The following ARMC9 variants were observed in gnomAD, a reference collection of about 807,000 sequenced individuals.
The protein encoded by ARMC9 is armadillo repeat containing 9.
In ARMC9, 94 loss-of-function variants were observed where a neutral mutation model predicts 107.0. The ratio of observed to expected loss-of-function variants is 0.88; its 90% CI spans 0.74 to 1.04. The LOEUF (loss-of-function observed/expected upper bound fraction) is 1.04, where lower values mean the gene tolerates loss of function less well. ARMC9 is among the 50% of genes least tolerant of loss of function. The probability of loss-of-function intolerance (pLI) is 0.00; values close to 1 mark genes in which losing one functional copy is unlikely to be tolerated. For synonymous variants in ARMC9, 380 were observed against 396.9 expected, an observed-to-expected ratio of 0.96 and a Z score of 0.51; for missense variants, 942 against 1,030.1, an observed-to-expected ratio of 0.91 and a Z score of 1.17.
chr2:231,249,781 T>C (rs890554007), intron 9 of ARMC9, among the ~76,000 whole-genome samples: 2 of 151,858 alleles, frequency 1.3e-5, no homozygotes, highest in African/African-American at 4.8e-5. Context: ...GACCCAGACA[T>C]CTTCAGATGG....
intron 2 of ARMC9, among the ~76,000 whole-genome samples, chr2:231,206,819 G>A (rs1235848170): frequency 6.6e-6 from 1 of 152,096 alleles, no homozygotes; most frequent in Admixed American, 6.6e-5. Context: ...TGACAAGTAG[G>A]GCCCAGGCCT....
chr2:231,349,656 C>T (rs184146812), intron 21 of ARMC9, among the ~76,000 whole-genome samples: 82 of 152,168 alleles, frequency 5.4e-4, no homozygotes, highest in Middle Eastern at 6.8e-3. Context: ...GTAGCGAGTG[C>T]CTGTAATCCA....
chr2:231,279,511 C>CTTTTTTTTTTTTTTTTTT (rs57779512), intron 16 of ARMC9, among the ~76,000 whole-genome samples: 3 of 124,808 alleles, frequency 2.4e-5, no homozygotes, highest in East Asian at 2.4e-4. Context: ...TTTCTTTTTT[C>CTTTTTTTTTTTTTTTTTT]TTTTTTTTTT....
chr2:231,279,064 C>T (rs1190419508), intron 16 of ARMC9, among the ~76,000 whole-genome samples: 2 of 152,160 alleles, frequency 1.3e-5, no homozygotes, highest in South Asian at 2.1e-4. Flanking sequence ...CATGGCTGCA[C>T]CTGCCCCATG....
intron 23 of ARMC9, among the ~76,000 whole-genome samples, chr2:231,364,898 G>A (rs7574152): frequency 0.15 from 23,032 of 152,214 alleles, 4,078 homozygotes; most frequent in African/African-American, 0.43. Context: ...TGACCACCTT[G>A]GGGGCTGCTT....
intron 21 of ARMC9, among the ~76,000 whole-genome samples, chr2:231,354,571 G>A (rs1001520177): frequency 1.3e-5 from 2 of 151,944 alleles, no homozygotes; most frequent in Non-Finnish European, 2.9e-5. Context: ...TAGTAGAGAC[G>A]GGGTTTCACC....
rs1349429444 is a variant in ARMC9, at chr2:231,272,997, T to G, written c.1253T>G (p.Leu418Arg). ...LAQNTKVLQM[L>R]EGRLKEEDKD... ...CAGAACACAAAGGTGCTGCAGATGC[T>G]GGAGGGAAGGCTGAAGGAGGAGGAC... is the stretch of plus-strand genomic sequence containing the variant. The change falls in exon 14 of 25, where the codon CTG becomes CGG. Residue 418 changes from leucine (L) to arginine (R), a missense_variant. Leu to Arg is a moderately radical substitution (Grantham distance 102). Coordinates refer to ENST00000611582, the MANE Select transcript of ARMC9 (RefSeq NM_001352754.2). The G allele has an allele frequency of 6.2e-7, 1 of 1,613,872 alleles. No homozygotes were observed. Among genetic ancestry groups the G allele is most frequent in the Non-Finnish European group, 8.5e-7 (1 of 1,179,840 alleles).
rs2045506922 is a variant in ARMC9 at position 231,360,079 on chromosome 2, G to T, written c.2132-675G>T. On this transcript the variant is annotated intron_variant, in intron 22 of 24. Transcript: ENST00000611582. The surrounding 1 kb of genome is among the most constrained non-coding windows in gnomAD (Gnocchi z 4.7). ...GAGGAGAGGCGGGGTGGGGGAAGGG[G>T]TGCGTGGCATCTGAGATGCAGGAAC... Among the ~76,000 whole-genome samples, 1 of 152,158 alleles carries T rather than the reference G, an allele frequency of 6.6e-6. No individual in the cohort carries two copies. Among genetic ancestry groups the T allele is most frequent in the African/African-American group, 2.4e-5 (1 of 41,438 alleles).
chr2:231,283,577 G>A (rs754073830), intron 17 of ARMC9, among the ~76,000 whole-genome samples: 4 of 152,070 alleles, frequency 2.6e-5, no homozygotes, highest in Non-Finnish European at 1.5e-5. Flanking sequence ...CTACAGGTGT[G>A]CACCACCACA....
intron 2 of ARMC9, among the ~76,000 whole-genome samples, chr2:231,207,863 T>C (rs943205555): frequency 6.6e-6 from 1 of 152,226 alleles, no homozygotes; most frequent in Non-Finnish European, 1.5e-5. Context: ...AGTGCACAAG[T>C]GTTTCCTTTT....
intron 9 of ARMC9, among the ~76,000 whole-genome samples, chr2:231,252,395 G>A (rs754029567): frequency 3.3e-5 from 5 of 151,804 alleles, no homozygotes; most frequent in Non-Finnish European, 2.9e-5. Flanking sequence ...GATTACAGGC[G>A]CCCGCCACCA....
chr2:231,205,201 TAAA>T (rs769562866), intron 1 of ARMC9, among the ~76,000 whole-genome samples: 1 of 129,458 alleles, frequency 7.7e-6, no homozygotes, highest in African/African-American at 2.9e-5. Flanking sequence ...TGTCTCTACT[TAAA>T]AAAAAAAAAA....
chr2:231,339,115 G>C lies in ARMC9; in HGVS notation c.1879-5860G>C, dbSNP rs1002784610. 2.0e-5 allele frequency among the ~76,000 whole-genome samples: 3 copies of C among 152,034 alleles called. No individual in the cohort carries two copies. The East Asian group carries it at 5.8e-4, about 29-fold the overall frequency. ...GAGGCCAAGGCGGGCAGATCACGAG[G>C]TCAGGAGTTCAAGACCAGCCTGGCC... On this transcript the variant is annotated intron_variant, in intron 20 of 24. Coordinates refer to ENST00000611582, the MANE Select transcript of ARMC9 (RefSeq NM_001352754.2).
chr2:231,358,063 C>G lies in ARMC9; in HGVS notation c.2131+2129C>G, dbSNP rs2045413510. On this transcript the variant is annotated intron_variant, in intron 22 of 24. Transcript: ENST00000611582. This position sits in a 1 kb window ranked among gnomAD's most constrained non-coding sequence, Gnocchi z 4.5. ...CCCCAGTTGGCCTCCCTGCCCCTCT[C>G]CCTGTCCTGTCACCTGCCTCTGCCT... Among the ~76,000 whole-genome samples, 1 of 152,210 alleles carries G rather than the reference C, an allele frequency of 6.6e-6. No homozygotes were observed. The highest frequency in any genetic ancestry group is 2.4e-5 in the African/African-American group (1 of 41,448).
In ARMC9 at chr2:231,276,669, C is replaced by T; in HGVS notation, c.1368C>T (p.Gly456=). Residue 456 remains glycine (G), a synonymous_variant, in exon 15 of 25, where the codon GGC becomes GGT. Transcript: ENST00000611582. ...TGCAGACAGCGATGATTCAAGACGG[C>T]CTCATCTTCTGGCTGGTTGATGTTC... ...RPLQTAMIQD[G]LIFWLVDVLK... 6.2e-7 allele frequency: 1 copy of T among 1,614,214 alleles called. No individual in the cohort carries two copies. Among genetic ancestry groups the T allele is most frequent in the South Asian group, 1.1e-5 (1 of 91,090 alleles).
At chr2:231,308,007 G>A (rs1253577761) in intron 19 of ARMC9, among the ~76,000 whole-genome samples, 1 of 152,226 alleles carries the variant, frequency 6.6e-6, no homozygotes, top group Non-Finnish European at 1.5e-5. Flanking sequence ...AGCTCAGGGA[G>A]TATGGAGGGC....
intron 20 of ARMC9, among the ~76,000 whole-genome samples, chr2:231,337,270 G>GTATGTATATATATATATATATATA (rs1553631911): frequency 1.3e-5 from 1 of 76,412 alleles, no homozygotes; most frequent in African/African-American, 5.8e-5. Context: ...ACGTGTGTGT[G>GTATGTATATATATATATATATATA]TATATATATA....
chr2:231,299,217 C>T (rs946100163), intron 19 of ARMC9, among the ~76,000 whole-genome samples: 3 of 152,078 alleles, frequency 2.0e-5, no homozygotes, highest in Admixed American at 1.3e-4. Flanking sequence ...AATGCATCTT[C>T]TGATTTATAG....
intron 22 of ARMC9, among the ~76,000 whole-genome samples, chr2:231,359,939 G>GAGGAGCTGCTA (rs1379830314): frequency 5.9e-5 from 9 of 152,204 alleles, no homozygotes; most frequent in Non-Finnish European, 1.3e-4. Context: ...CAAAGCCACA[G>GAGGAGCTGCTA]AGGAGCTGCT....
Sources: gnomAD v4.1 joint callset for allele counts (sites outside exome capture counted in the v4.1 genomes callset) on GRCh38, gnomAD v4.1.1 for gene constraint, Gnocchi (gnomAD v3.1) non-coding constraint, MANE v1.5 for transcripts, NCBI Gene and HGNC (gene_info 2026-07-23, HGNC 2026-07-21) for gene names.